The following SHLD2 variants were observed in gnomAD, a reference collection of about 807,000 sequenced individuals.
SHLD2 encodes RINN1-REV7-interacting novel NHEJ regulator 2.
Under a neutral mutation model 73.2 loss-of-function variants are expected in SHLD2, and 30 were observed. That is an observed-to-expected ratio of 0.41 (90% confidence interval 0.31 to 0.56). SHLD2 has a LOEUF of 0.56. SHLD2 is among the 20% of genes least tolerant of loss of function. SHLD2 has a pLI of 0.28. For missense variants in SHLD2, 745 were observed against 1,055.9 expected (o/e 0.71, Z 4.08); for synonymous variants, 285 against 370.1 (o/e 0.77, Z 2.64).
intron 2 of SHLD2, among the ~76,000 whole-genome samples, chr10:87,118,129 A>G (rs1843367563): frequency 6.6e-6 from 1 of 152,196 alleles, no homozygotes; most frequent in Non-Finnish European, 1.5e-5. Context: ...TTTAAGTTAC[A>G]CTGCTAAGCT....
chr10:87,184,628 C>T (rs373705927), intron 8 of SHLD2, among the ~76,000 whole-genome samples: 1 of 152,110 alleles, frequency 6.6e-6, no homozygotes, highest in East Asian at 1.9e-4. Flanking sequence ...CAGTCGTCTC[C>T]TTATGCTTGT....
chr10:87,137,422 A>G (rs1160508062), intron 2 of SHLD2, among the ~76,000 whole-genome samples: 1 of 152,072 alleles, frequency 6.6e-6, no homozygotes, highest in African/African-American at 2.4e-5. Flanking sequence ...AGAAAGAAAA[A>G]TATACTAGCA....
chr10:87,112,382 G>A (rs1842984512), intron 2 of SHLD2, among the ~76,000 whole-genome samples: 1 of 152,058 alleles, frequency 6.6e-6, no homozygotes, highest in South Asian at 2.1e-4. Flanking sequence ...ATCACAGTGA[G>A]GCCAGGTGTA....
Position 87,157,458 on chromosome 10 carries a change from T to A in SHLD2, c.1526-590T>A, listed in dbSNP as rs561924394. On this transcript the variant is annotated intron_variant, in intron 3 of 9. Coordinates refer to ENST00000298786, the MANE Select transcript of SHLD2 (RefSeq NM_001330112.2). ...CTACAATTGTTTCTACCTGTTGGTA[T>A]GTTTAGTTCTACCTGATTCTACTCT... 5.3e-5 allele frequency among the ~76,000 whole-genome samples: 8 copies of A among 152,318 alleles called. No individual in the cohort carries two copies. In the South Asian group the frequency reaches 1.7e-3, roughly 32 times the overall value.
chr10:87,123,197 A>G (rs2476288), intron 2 of SHLD2, among the ~76,000 whole-genome samples: 1 of 152,382 alleles, frequency 6.6e-6, no homozygotes, highest in African/African-American at 2.4e-5. Flanking sequence ...ATGAGTCCCA[A>G]TAAGATTTTT....
At chr10:87,108,304 C>T (rs1842725197) in intron 2 of SHLD2, among the ~76,000 whole-genome samples, 1 of 152,220 alleles carries the variant, frequency 6.6e-6, no homozygotes, top group South Asian at 2.1e-4. Context: ...CCTCCTTGGC[C>T]TCCCAAAGTG....
At chr10:87,139,701 G>C (rs1163465416) in intron 2 of SHLD2, among the ~76,000 whole-genome samples, 2 of 152,240 alleles carry the variant, frequency 1.3e-5, no homozygotes, top group South Asian at 4.1e-4. Flanking sequence ...GGTGGGATGT[G>C]CCTGTAATTC....
chr10:87,138,637 CTG>C (rs1454677941), intron 2 of SHLD2, among the ~76,000 whole-genome samples: 3 of 152,310 alleles, frequency 2.0e-5, no homozygotes, highest in East Asian at 1.9e-4. Flanking sequence ...TGAAAGGAGA[CTG>C]TAGTAACTTC....
At chr10:87,119,554 G>A (rs1843458090) in intron 2 of SHLD2, among the ~76,000 whole-genome samples, 1 of 152,124 alleles carries the variant, frequency 6.6e-6, no homozygotes, top group Non-Finnish European at 1.5e-5. Context: ...GAGATCAAGA[G>A]ATCGAGACCA....
intron 2 of SHLD2, among the ~76,000 whole-genome samples, chr10:87,098,003 C>G (rs1842016478): frequency 6.6e-6 from 1 of 152,026 alleles, no homozygotes; most frequent in African/African-American, 2.4e-5. Flanking sequence ...CTCAAATGAT[C>G]TGCCCGCCTT....
chr10:87,145,166 C>T (rs1364579266), intron 2 of SHLD2, among the ~76,000 whole-genome samples: 2 of 152,038 alleles, frequency 1.3e-5, no homozygotes, highest in African/African-American at 4.8e-5. Flanking sequence ...TGGTCTCGAT[C>T]TCCTGACCTC....
At chr10:87,188,352 TTTC>T (rs1420995826) in intron 9 of SHLD2, among the ~76,000 whole-genome samples, 1 of 152,158 alleles carries the variant, frequency 6.6e-6, no homozygotes, top group Non-Finnish European at 1.5e-5. Flanking sequence ...AGGGGTTTTT[TTTC>T]TTTTTTCTTT....
rs565912869 is a variant in SHLD2 at position 87,132,785 on chromosome 10, GAAACA to G, written c.-5-18550_-5-18546del. Among the ~76,000 whole-genome samples, 428 of 151,116 alleles carry G rather than the reference GAAACA, an allele frequency of 2.8e-3. 1 individual carries two copies. Among genetic ancestry groups the G allele is most frequent in the African/African-American group, 9.3e-3 (383 of 41,260 alleles). ...CAAGACCCTGTCTCAAAAACAAAAC[GAAACA>G]AAACAAAACAAAACGACTATATTTC... is the stretch of plus-strand genomic sequence containing the variant. On this transcript the variant is annotated intron_variant, in intron 2 of 9. Coordinates refer to ENST00000298786, the MANE Select transcript of SHLD2 (RefSeq NM_001330112.2).
At chr10:87,115,060 A>G (rs182225273) in intron 2 of SHLD2, among the ~76,000 whole-genome samples, 44 of 151,884 alleles carry the variant, frequency 2.9e-4, no homozygotes, top group African/African-American at 1.0e-3. Flanking sequence ...TTATTTATTT[A>G]TTTATTTTGA....
At chr10:87,181,423 A>G (rs1251415130) in intron 8 of SHLD2, among the ~76,000 whole-genome samples, 3 of 152,144 alleles carry the variant, frequency 2.0e-5, no homozygotes, top group Non-Finnish European at 4.4e-5. Flanking sequence ...GTAACAAACA[A>G]CATTGATTTA....
intron 6 of SHLD2, among the ~76,000 whole-genome samples, chr10:87,174,302 T>C (rs1847803133): frequency 6.7e-6 from 1 of 149,966 alleles, no homozygotes; most frequent in Non-Finnish European, 1.5e-5. Flanking sequence ...ATTTGACTTA[T>C]TAAGTCAATC....
rs1463255184 is a variant in SHLD2 at position 87,180,066 on chromosome 10, T to TAACA, written c.2171-9_2171-8insAACA. 1 of 1,610,636 alleles carries TAACA rather than the reference T, an allele frequency of 6.2e-7. No individual in the cohort carries two copies. The highest frequency in any genetic ancestry group is 1.3e-5 in the African/African-American group (1 of 74,862). On this transcript the variant is annotated splice_polypyrimidine_tract_variant and intron_variant, in intron 7 of 9. Coordinates refer to ENST00000298786, the MANE Select transcript of SHLD2 (RefSeq NM_001330112.2). ...AATAATTTATAATATATCTGTTTGT[T>TAACA]GTTTGTAGGAGTGGTTCTGATTAAA...
chr10:87,095,453 C>T (rs971024333), intron 1 of SHLD2, among the ~76,000 whole-genome samples: 2 of 152,136 alleles, frequency 1.3e-5, no homozygotes, highest in East Asian at 1.9e-4. Context: ...GGGCGGCCCA[C>T]CCTGGCCTGT....
At position 87,190,552 on chromosome 10, in the gene SHLD2, G is replaced by A. The variant is rs373996048; in HGVS notation, c.2584G>A (p.Ala862Thr). The A allele has an allele frequency of 2.0e-4, 322 of 1,611,788 alleles. No homozygotes were observed. Among genetic ancestry groups the A allele is most frequent in the Non-Finnish European group, 2.5e-4 (292 of 1,179,820 alleles). Residue 862 changes from alanine (A) to threonine (T), a missense_variant, in exon 10 of 10, where the codon GCA becomes ACA. By Grantham distance (58) the Ala-to-Thr change is moderately conservative. Coordinates refer to ENST00000298786, the MANE Select transcript of SHLD2 (RefSeq NM_001330112.2). Reference protein sequence around the residue: ...DLFHSLLAVSAEPCVLKIQSL... With the variant: ...DLFHSLLAVSTEPCVLKIQSL... ...GTTCCACTCCTTGTTGGCAGTCAGC[G>A]CAGAACCTTGTGTATTAAAGATTCA...
Sources: allele counts gnomAD v4.1 joint callset (sites outside exome capture counted in the v4.1 genomes callset), GRCh38; gene constraint gnomAD v4.1.1; transcripts MANE v1.5; gene names NCBI Gene and HGNC (gene_info 2026-07-23, HGNC 2026-07-21).